Variants in PABPC4L observed in about 807,000 individuals in gnomAD.
PABPC4L encodes poly(A) binding protein cytoplasmic 4 like, also known as polyadenylate-binding protein 4-like.
For missense variants in PABPC4L, 452 were observed against 451.4 expected (o/e 1.00, Z -0.01); for synonymous variants, 169 against 164.1 (o/e 1.03, Z -0.23).
the PABPC4L span, among the ~76,000 whole-genome samples, chr4:133,993,181 G>A: frequency 6.6e-6 from 1 of 152,070 alleles, no homozygotes; most frequent in East Asian, 1.9e-4. Flanking sequence ...TAAAAATTAA[G>A]GTAAATAAGG....
At chr4:134,000,898 TG>T in the PABPC4L span, among the ~76,000 whole-genome samples, 3 of 152,148 alleles carry the variant, frequency 2.0e-5, no homozygotes, top group Non-Finnish European at 2.9e-5. Context: ...CCGGTTTTCC[TG>T]GGTCTCCAGC....
chr4:133,985,175 C>T, the PABPC4L span, among the ~76,000 whole-genome samples: 1 of 151,824 alleles, frequency 6.6e-6, no homozygotes, highest in Admixed American at 6.6e-5. Context: ...GCATATATGT[C>T]TGAGATAAAC....
the PABPC4L span, among the ~76,000 whole-genome samples, chr4:134,100,588 A>G: frequency 6.6e-6 from 1 of 151,614 alleles, no homozygotes; most frequent in Admixed American, 6.6e-5. Flanking sequence ...TTTTTGTAAA[A>G]GTCTAAGGAA....
the PABPC4L span, among the ~76,000 whole-genome samples, chr4:134,106,229 C>A: frequency 6.6e-6 from 1 of 151,542 alleles, no homozygotes; most frequent in African/African-American, 2.4e-5. Context: ...GACTATCATG[C>A]TCCTGGTGCT....
At chr4:134,119,772 A>G in the PABPC4L span, among the ~76,000 whole-genome samples, 5 of 151,650 alleles carry the variant, frequency 3.3e-5, no homozygotes, top group Non-Finnish European at 5.9e-5. Context: ...GTCTCCAGAG[A>G]TTAATTATAC....
At chr4:134,090,470 A>G in the PABPC4L span, among the ~76,000 whole-genome samples, 3 of 152,088 alleles carry the variant, frequency 2.0e-5, no homozygotes, top group Admixed American at 1.3e-4. Flanking sequence ...CTATTCATTA[A>G]AAAGGCTGTC....
At chr4:134,195,299 A>G (rs994078897), downstream of PABPC4L, among the ~76,000 whole-genome samples, 15 of 151,770 alleles carry the variant, frequency 9.9e-5, no homozygotes, top group African/African-American at 3.6e-4. Flanking sequence ...CCACTAGCAC[A>G]TGTACAAAGT....
the PABPC4L span, among the ~76,000 whole-genome samples, chr4:134,035,070 A>G: frequency 1.3e-5 from 2 of 152,052 alleles, no homozygotes; most frequent in African/African-American, 2.4e-5. Flanking sequence ...CACCACTCTC[A>G]TCAGTCAGCA....
downstream of PABPC4L, among the ~76,000 whole-genome samples, chr4:134,195,149 T>G (rs750521437): frequency 6.6e-6 from 1 of 151,684 alleles, no homozygotes; most frequent in African/African-American, 2.4e-5. Flanking sequence ...TTCAGTAAAA[T>G]AATAATGTGT....
the PABPC4L span, among the ~76,000 whole-genome samples, chr4:133,974,942 ACT>A: frequency 6.6e-6 from 1 of 152,056 alleles, no homozygotes; most frequent in African/African-American, 2.4e-5. Flanking sequence ...AGTTTGATAG[ACT>A]CTGATAAAGT....
chr4:134,038,101 C>G, the PABPC4L span, among the ~76,000 whole-genome samples: 720 of 151,950 alleles, frequency 4.7e-3, 9 homozygotes, highest in African/African-American at 0.016. Context: ...TGTCATGGGT[C>G]CTGTTTATGT....
chr4:134,033,460 A>C, the PABPC4L span, among the ~76,000 whole-genome samples: 1 of 151,938 alleles, frequency 6.6e-6, no homozygotes, highest in East Asian at 1.9e-4. Context: ...TAAATAATTA[A>C]GTTTTGTGAG....
the PABPC4L span, among the ~76,000 whole-genome samples, chr4:133,958,179 T>A: frequency 6.6e-6 from 1 of 152,144 alleles, no homozygotes; most frequent in Non-Finnish European, 1.5e-5. Flanking sequence ...AAACATGAGT[T>A]CCAATTCCAA....
At chr4:134,025,552 A>T in the PABPC4L span, among the ~76,000 whole-genome samples, 1 of 152,252 alleles carries the variant, frequency 6.6e-6, no homozygotes, top group African/African-American at 2.4e-5. Flanking sequence ...TGTAAATAAG[A>T]GCATGAGCAA....
chr4:134,148,586 G>T, the PABPC4L span, among the ~76,000 whole-genome samples: 94 of 152,082 alleles, frequency 6.2e-4, no homozygotes, highest in Middle Eastern at 3.4e-3. Context: ...CCAAACCTTT[G>T]GTTACCAATT....
chr4:134,156,817 C>A, the PABPC4L span, among the ~76,000 whole-genome samples: 1 of 151,924 alleles, frequency 6.6e-6, no homozygotes, highest in East Asian at 1.9e-4. Context: ...CCAAGCCAGT[C>A]CTTTTTAAAA....
chr4:134,175,631 T>C, the PABPC4L span, among the ~76,000 whole-genome samples: 1 of 152,168 alleles, frequency 6.6e-6, no homozygotes, highest in South Asian at 2.1e-4. Context: ...GTATTTTTAG[T>C]AGAGATGGGG....
At chr4:133,958,890 G>A in the PABPC4L span, among the ~76,000 whole-genome samples, 5 of 152,238 alleles carry the variant, frequency 3.3e-5, no homozygotes, top group East Asian at 9.7e-4. Context: ...ATATCAGATA[G>A]CAATGCAGAG....
the PABPC4L span, among the ~76,000 whole-genome samples, chr4:134,094,158 C>T: frequency 1.3e-5 from 2 of 151,770 alleles, no homozygotes; most frequent in African/African-American, 4.8e-5. Flanking sequence ...AATAACAAAC[C>T]TTAATGTGTT....
Sources: gnomAD v4.1 joint callset for allele counts (sites outside exome capture counted in the v4.1 genomes callset) on GRCh38, gnomAD v4.1.1 for gene constraint, MANE v1.5 for transcripts, NCBI Gene and HGNC (gene_info 2026-07-23, HGNC 2026-07-21) for gene names.